Variants in TSEN2 observed in about 807,000 individuals in gnomAD.
TSEN2 encodes tRNA splicing endonuclease subunit 2.
TSEN2 carries 54 observed loss-of-function variants against 59.2 expected under a neutral mutation model. The observed-to-expected ratio is 0.91, with a 90% CI of 0.73 to 1.14. TSEN2 has a LOEUF of 1.14. Among genes scored for constraint, TSEN2 ranks in the 50% most tolerant of loss-of-function variants. TSEN2 has a pLI of 0.00. For missense variants in TSEN2, 636 were observed against 576.2 expected, an observed-to-expected ratio of 1.10 and a Z score of -1.06; for synonymous variants, 195 against 198.2, an observed-to-expected ratio of 0.98 and a Z score of 0.14.
intron 9 of TSEN2, among the ~76,000 whole-genome samples, chr3:12,529,557 C>T (rs889258983): frequency 6.6e-6 from 1 of 150,832 alleles, no homozygotes; most frequent in Non-Finnish European, 1.5e-5. Flanking sequence ...TTTGTTTTTT[C>T]CTGTAAGTTT....
At chr3:12,506,577 TC>T (rs2054861358) in intron 6 of TSEN2, 1 of 389,816 alleles carries the variant, frequency 2.6e-6, no homozygotes, top group Non-Finnish European at 3.4e-6. Context: ...AGATCCTGTT[TC>T]AAAAAAAAAA....
Position 12,496,090 on chromosome 3 carries a change from A to C in TSEN2, c.272-428A>C, listed in dbSNP as rs1311191547. Among the ~76,000 whole-genome samples, 2 of 152,222 alleles carry C rather than the reference A, an allele frequency of 1.3e-5. 1 individual carries two copies. The highest frequency in any genetic ancestry group is 4.1e-4 in the South Asian group (2 of 4,830). ...ACATCCAAAACCAACACTGCAATCA[A>C]GTTCACTTTTCCAGCACTTTTGATA... is the stretch of plus-strand genomic sequence containing the variant. On this transcript the variant is annotated intron_variant, in intron 3 of 11. Coordinates refer to ENST00000284995, the MANE Select transcript of TSEN2 (RefSeq NM_025265.4).
At chr3:12,522,387 A>G (rs996095647) in intron 8 of TSEN2, among the ~76,000 whole-genome samples, 1 of 152,162 alleles carries the variant, frequency 6.6e-6, no homozygotes, top group Admixed American at 6.5e-5. Context: ...CATTAATTGT[A>G]CAATTAATGT....
intron 10 of TSEN2, chr3:12,530,831 G>A (rs1275509302): frequency 6.7e-6 from 6 of 897,616 alleles, no homozygotes; most frequent in South Asian, 1.0e-4. Flanking sequence ...TAACAAAACC[G>A]TTTTTTCTTC....
chr3:12,517,108 G>A (rs944339339), intron 7 of TSEN2, among the ~76,000 whole-genome samples: 1 of 152,136 alleles, frequency 6.6e-6, no homozygotes, highest in South Asian at 2.1e-4. Flanking sequence ...AGCACACTGG[G>A]GGGCCGAGGC....
intron 6 of TSEN2, among the ~76,000 whole-genome samples, chr3:12,512,789 C>T (rs142907996): frequency 3.9e-4 from 59 of 152,262 alleles, no homozygotes; most frequent in African/African-American, 1.3e-3. Context: ...TCAGTCTGTG[C>T]GAGTATTCAT....
intron 11 of TSEN2, among the ~76,000 whole-genome samples, chr3:12,532,109 C>T (rs758932481): frequency 6.6e-6 from 1 of 152,170 alleles, no homozygotes; most frequent in Non-Finnish European, 1.5e-5. Context: ...GCATTCCCTC[C>T]CTCTGTGTGT....
At chr3:12,509,276 C>G (rs928238418) in intron 6 of TSEN2, among the ~76,000 whole-genome samples, 2 of 151,498 alleles carry the variant, frequency 1.3e-5, no homozygotes, top group African/African-American at 4.9e-5. Context: ...TCTCAGCACA[C>G]TGCAACGTCT....
chr3:12,519,650 G>A (rs761641312), intron 8 of TSEN2, among the ~76,000 whole-genome samples: 7 of 152,128 alleles, frequency 4.6e-5, no homozygotes, highest in Non-Finnish European at 8.8e-5. Context: ...GGAGGCTGAG[G>A]CAGGAGAATG....
chr3:12,494,214 G>T (rs1222870529), intron 3 of TSEN2, among the ~76,000 whole-genome samples: 1 of 151,396 alleles, frequency 6.6e-6, no homozygotes, highest in Non-Finnish European at 1.5e-5. Context: ...ATCAGGAGAG[G>T]ACCTGTGGAA....
rs890934394 is a variant in TSEN2, at chr3:12,530,107, A to G, written c.1248+234A>G. On this transcript the variant is annotated intron_variant, in intron 10 of 11. Transcript: ENST00000284995. ...CCCTCCCAACTGCTGCTGAGCTCCA[A>G]TGACGGAGCTTTGGAGTGTCCCATG... The G allele has an allele frequency of 3.7e-5, 52 of 1,407,482 alleles. No homozygotes were observed. The African/African-American group carries it at 4.9e-4, about 13-fold the overall frequency. The allele number at this position is 1,407,482 out of a possible 1,614,324, so 87.2% of individuals were successfully genotyped here.
chr3:12,480,528 G>GTTTTTTTTTTT, upstream of TSEN2, among the ~76,000 whole-genome samples: 81 of 91,746 alleles, frequency 8.8e-4, 2 homozygotes, highest in African/African-American at 2.8e-3. Flanking sequence ...TTGTTTCTTT[G>GTTTTTTTTTTT]TTTTTTTTTT....
chr3:12,508,955 A>G (rs943221693), intron 6 of TSEN2, among the ~76,000 whole-genome samples: 2 of 151,996 alleles, frequency 1.3e-5, no homozygotes, highest in African/African-American at 4.8e-5. Context: ...CATACTCCTG[A>G]GCTCAAGGTA....
upstream of TSEN2, among the ~76,000 whole-genome samples, chr3:12,480,913 C>T (rs2052185503): frequency 6.6e-6 from 1 of 152,164 alleles, no homozygotes. Flanking sequence ...GATCCGTATC[C>T]TCATCTGGCC....
intron 4 of TSEN2, among the ~76,000 whole-genome samples, chr3:12,501,982 G>A (rs1327062426): frequency 6.6e-6 from 1 of 152,132 alleles, no homozygotes; most frequent in African/African-American, 2.4e-5. Flanking sequence ...TGTAACTTGG[G>A]TGTTAGCTTC....
chr3:12,496,581 G>A, intron 4 of TSEN2, 27 bp downstream of exon 4: 1 of 1,613,434 alleles, frequency 6.2e-7, no homozygotes, highest in Non-Finnish European at 8.5e-7. Context: ...TTTGGCTTCT[G>A]TCAAAATGAT....
chr3:12,529,031 G>C (rs1419368778), intron 9 of TSEN2, 107 bp downstream of exon 9: 37 of 1,116,700 alleles, frequency 3.3e-5, no homozygotes, highest in Middle Eastern at 1.9e-4. Flanking sequence ...TGTTCTTCCT[G>C]GCCTGATACG....
At position 12,533,562 on chromosome 3, in the gene TSEN2, A is replaced by G. The variant is rs117175582; in HGVS notation, c.*841A>G. The G allele has an allele frequency of 0.013, 1,987 of 151,562 alleles. 12 individuals are homozygous for G. The highest frequency in any genetic ancestry group is 0.024 in the Middle Eastern group (7 of 294). 9.4% of individuals were successfully genotyped at this position (151,562 alleles called of 1,614,324 possible). On this transcript the variant is annotated 3_prime_UTR_variant, in exon 12 of 12. Transcript: ENST00000284995. ...GTAATTCCAGCTGCTCAGGAGACTAAGGTAGGAGGATCGCTTGAGCCCAGG... is the reference window on the plus strand; with the variant it reads ...GTAATTCCAGCTGCTCAGGAGACTAGGGTAGGAGGATCGCTTGAGCCCAGG...
intron 4 of TSEN2, among the ~76,000 whole-genome samples, chr3:12,500,531 A>T (rs187976467): frequency 2.0e-5 from 3 of 152,334 alleles, no homozygotes; most frequent in Admixed American, 6.5e-5. Flanking sequence ...GGCTGCGTTC[A>T]TCCCTGCACT....
Sources: gnomAD v4.1 joint callset for allele counts (sites outside exome capture counted in the v4.1 genomes callset) on GRCh38, gnomAD v4.1.1 for gene constraint, MANE v1.5 for transcripts, NCBI Gene and HGNC (gene_info 2026-07-23, HGNC 2026-07-21) for gene names.